The following LRGUK variants were observed in gnomAD, a reference collection of about 807,000 sequenced individuals.
The protein encoded by LRGUK is leucine-rich repeat and guanylate kinase domain-containing protein.
Under a neutral mutation model 76.0 loss-of-function variants are expected in LRGUK, and 65 were observed. The ratio of observed to expected loss-of-function variants is 0.85; its 90% confidence interval spans 0.70 to 1.05. The LOEUF (loss-of-function observed/expected upper bound fraction) is 1.05, where lower values mean the gene tolerates loss of function less well. Among genes scored for constraint, LRGUK ranks in the 50% least tolerant of loss-of-function variants. The probability of loss-of-function intolerance (pLI) is 0.00; values close to 1 mark genes in which losing one functional copy is unlikely to be tolerated. For synonymous variants in LRGUK, 268 were observed against 265.6 expected (o/e 1.01, Z -0.09); for missense variants, 758 against 732.8 (o/e 1.03, Z -0.40).
At chr7:134,272,413 C>T in the LRGUK span, among the ~76,000 whole-genome samples, 1 of 151,892 alleles carries the variant, frequency 6.6e-6, no homozygotes, top group South Asian at 2.1e-4. Context: ...CCCTCCTTAC[C>T]TCCCTCCCTT....
chr7:134,160,960 T>C (rs1798702395), intron 6 of LRGUK, among the ~76,000 whole-genome samples: 1 of 152,192 alleles, frequency 6.6e-6, no homozygotes, highest in African/African-American at 2.4e-5. Flanking sequence ...ATTCAGAAAT[T>C]CTGTGATTCT....
At chr7:134,252,864 T>C (rs931854693) in intron 18 of LRGUK, among the ~76,000 whole-genome samples, 1 of 152,186 alleles carries the variant, frequency 6.6e-6, no homozygotes, top group South Asian at 2.1e-4. Context: ...CTAATTGCAC[T>C]ATGTTTTTCA....
At chr7:134,213,063 A>C (rs1441866640), downstream of LRGUK, among the ~76,000 whole-genome samples, 1 of 152,182 alleles carries the variant, frequency 6.6e-6, no homozygotes, top group African/African-American at 2.4e-5. Flanking sequence ...GGAGAGGGGA[A>C]GTTTTCTTAG....
chr7:134,150,928 T>C (rs1798197790), intron 5 of LRGUK, among the ~76,000 whole-genome samples: 1 of 152,172 alleles, frequency 6.6e-6, no homozygotes, highest in Admixed American at 6.5e-5. Context: ...AACATGGGTA[T>C]ATAATTAGAG....
chr7:134,206,244 C>T (rs1277557175), intron 15 of LRGUK, among the ~76,000 whole-genome samples: 3 of 152,152 alleles, frequency 2.0e-5, no homozygotes, highest in East Asian at 1.9e-4. Flanking sequence ...CAGCCAGGTG[C>T]GGTGGCTTAC....
intron 14 of LRGUK, among the ~76,000 whole-genome samples, chr7:134,199,818 A>T (rs1366443684): frequency 1.3e-5 from 2 of 151,424 alleles, no homozygotes; most frequent in East Asian, 3.9e-4. Flanking sequence ...TTATAACTTA[A>T]AAATGTATGT....
At chr7:134,145,992 G>C (rs181465999) in intron 4 of LRGUK, among the ~76,000 whole-genome samples, 24 of 152,290 alleles carry the variant, frequency 1.6e-4, no homozygotes, top group African/African-American at 5.3e-4. Context: ...AAGAAACCTG[G>C]CTGGGCACAG....
chr7:134,134,142 G>C (rs948892056), intron 1 of LRGUK, among the ~76,000 whole-genome samples: 3 of 152,138 alleles, frequency 2.0e-5, no homozygotes, highest in Non-Finnish European at 4.4e-5. Context: ...GGAACAGATA[G>C]ACTCTGAGAA....
intron 16 of LRGUK, among the ~76,000 whole-genome samples, chr7:134,240,847 C>G (rs1199789252): frequency 6.6e-6 from 1 of 152,156 alleles, no homozygotes; most frequent in Non-Finnish European, 1.5e-5. Context: ...AGAATAACAG[C>G]GGATATCTCA....
At chr7:134,169,935 A>G (rs938755923) in intron 7 of LRGUK, among the ~76,000 whole-genome samples, 3 of 152,146 alleles carry the variant, frequency 2.0e-5, no homozygotes, top group Non-Finnish European at 4.4e-5. Flanking sequence ...TATTTCATAA[A>G]GATTCATACT....
chr7:134,225,860 A>C (rs184505690), intron 16 of LRGUK, among the ~76,000 whole-genome samples: 20 of 152,324 alleles, frequency 1.3e-4, no homozygotes, highest in Admixed American at 1.3e-3. Context: ...TCCGTGAGAC[A>C]TTATGATGTG....
intron 2 of LRGUK, among the ~76,000 whole-genome samples, chr7:134,138,468 G>C (rs985859400): frequency 6.6e-6 from 1 of 151,116 alleles, no homozygotes; most frequent in Non-Finnish European, 1.5e-5. Context: ...TATTATTTGT[G>C]TACATATCTT....
intron 19 of LRGUK, among the ~76,000 whole-genome samples, chr7:134,259,517 A>G (rs1031569959): frequency 2.0e-5 from 3 of 152,094 alleles, no homozygotes; most frequent in Non-Finnish European, 4.4e-5. Context: ...GATAATACAG[A>G]CCTCTTAATT....
intron 6 of LRGUK, among the ~76,000 whole-genome samples, chr7:134,161,050 C>G (rs79499527): frequency 0.12 from 18,325 of 152,026 alleles, 1,378 homozygotes; most frequent in East Asian, 0.32. Context: ...TCACTATTCT[C>G]ATGTCATCTA....
intron 12 of LRGUK, 123 bp downstream of exon 12, chr7:134,191,874 T>A: frequency 3.3e-6 from 2 of 609,786 alleles, no homozygotes; most frequent in Non-Finnish European, 5.4e-6. Context: ...GAGAGGTGAG[T>A]TTTTATGGGG....
chr7:134,138,176 C>G (rs1797613715), intron 2 of LRGUK, among the ~76,000 whole-genome samples: 1 of 152,194 alleles, frequency 6.6e-6, no homozygotes, highest in African/African-American at 2.4e-5. Flanking sequence ...CAGTGCATCC[C>G]CACACAAGCC....
At chr7:134,275,850 AAATTC>A in the LRGUK span, among the ~76,000 whole-genome samples, 1 of 152,242 alleles carries the variant, frequency 6.6e-6, no homozygotes, top group Non-Finnish European at 1.5e-5. Context: ...ATTTAGTAGT[AAATTC>A]AATTCAATTA....
At chr7:134,147,471 G>A (rs1798023742) in intron 4 of LRGUK, among the ~76,000 whole-genome samples, 1 of 151,102 alleles carries the variant, frequency 6.6e-6, no homozygotes, top group Non-Finnish European at 1.5e-5. Context: ...TTAGAGAGTA[G>A]CATGGGACAA....
intron 16 of LRGUK, among the ~76,000 whole-genome samples, chr7:134,227,813 G>A (rs1227248994): frequency 6.6e-6 from 1 of 152,066 alleles, no homozygotes; most frequent in African/African-American, 2.4e-5. Context: ...AGACTGAAAA[G>A]TTGATAAGAA....
Sources: gnomAD v4.1 joint callset for allele counts (sites outside exome capture counted in the v4.1 genomes callset) on GRCh38, gnomAD v4.1.1 for gene constraint, MANE v1.5 for transcripts, NCBI Gene and HGNC (gene_info 2026-07-23, HGNC 2026-07-21) for gene names.